The following TENM1 variants were observed in gnomAD, a reference collection of about 807,000 sequenced individuals.
TENM1 encodes the protein teneurin-1.
Under a neutral mutation model 174.8 loss-of-function variants are expected in TENM1, and 35 were observed. The observed-to-expected ratio is 0.20, with a 90% confidence interval of 0.15 to 0.27. The LOEUF is 0.27. TENM1 is among the 10% of genes least tolerant of loss of function. The probability of loss-of-function intolerance (pLI) is 1.00; values close to 1 mark genes in which losing one functional copy is unlikely to be tolerated. For missense variants in TENM1, 1,633 were observed against 2,130.1 expected, an observed-to-expected ratio of 0.77 and a Z score of 4.59; for synonymous variants, 781 against 798.7, an observed-to-expected ratio of 0.98 and a Z score of 0.37.
In TENM1 at chrX:124,932,877, C is replaced by T. The variant is rs759737742; in HGVS notation, c.217+30660G>A. 3.2e-4 allele frequency among the ~76,000 whole-genome samples: 36 copies of T among 111,159 alleles called. 1 individual carries two copies. The South Asian group carries it at 6.9e-3, about 21-fold the overall frequency. On this transcript the variant is annotated intron_variant, in intron 1 of 31. Coordinates refer to ENST00000422452, the Ensembl canonical transcript of TENM1. ...TTTCTAACCTTGCACATAATTCAAACGGAAAAATAAATTTTTAAATTTTTA... is the reference window on the plus strand; with the variant it reads ...TTTCTAACCTTGCACATAATTCAAATGGAAAAATAAATTTTTAAATTTTTA...
chrX:124,793,920 C>T (rs1277280998), intron 3 of TENM1, among the ~76,000 whole-genome samples: 2 of 110,849 alleles, frequency 1.8e-5, no homozygotes, highest in African/African-American at 6.6e-5. Context: ...CTTTCCCTTT[C>T]TATCTTCCTC....
At chrX:124,589,228 C>T (rs890407732) in intron 11 of TENM1, among the ~76,000 whole-genome samples, 4 of 110,224 alleles carry the variant, frequency 3.6e-5, no homozygotes, top group Non-Finnish European at 3.8e-5. Context: ...ATCACTCTTA[C>T]GTCCCAGGGA....
chrX:124,834,773 G>A (rs2056359773), intron 3 of TENM1, among the ~76,000 whole-genome samples: 1 of 112,020 alleles, frequency 8.9e-6, no homozygotes, highest in Admixed American at 9.5e-5. Flanking sequence ...CTTCTCCCCC[G>A]TCATCTTGTT....
At chrX:124,889,793 T>C (rs2057446545) in intron 3 of TENM1, among the ~76,000 whole-genome samples, 1 of 111,782 alleles carries the variant, frequency 8.9e-6, no homozygotes, top group Non-Finnish European at 1.9e-5. Flanking sequence ...ATTTTAGTTA[T>C]ATTAAAATGT....
At chrX:124,428,587 C>A (rs2060743871) in intron 23 of TENM1, among the ~76,000 whole-genome samples, 1 of 111,940 alleles carries the variant, frequency 8.9e-6, no homozygotes, top group Non-Finnish European at 1.9e-5. Flanking sequence ...CTGGTTTCCT[C>A]ATCTGTAACA....
intron 8 of TENM1, among the ~76,000 whole-genome samples, chrX:124,647,063 A>G (rs2051178674): frequency 9.0e-6 from 1 of 111,603 alleles, no homozygotes; most frequent in African/African-American, 3.3e-5. Flanking sequence ...TTATCTCTAA[A>G]GCACATAAAT....
At chrX:124,573,843 T>C (rs1371620959) in intron 11 of TENM1, among the ~76,000 whole-genome samples, 2 of 112,367 alleles carry the variant, frequency 1.8e-5, no homozygotes, top group African/African-American at 6.5e-5. Context: ...AATCCCAATC[T>C]TCCTATAATC....
chrX:124,533,864 T>G (rs1421545927), intron 15 of TENM1, among the ~76,000 whole-genome samples: 1 of 111,135 alleles, frequency 9.0e-6, no homozygotes, highest in Non-Finnish European at 1.9e-5. Flanking sequence ...ATTGCATACT[T>G]TCTGTCTTTG....
chrX:124,744,540 C>G (rs1752629922), intron 3 of TENM1, among the ~76,000 whole-genome samples: 1 of 111,873 alleles, frequency 8.9e-6, no homozygotes, highest in Admixed American at 9.5e-5. Context: ...TAGATAATTG[C>G]CCTGTTTTAT....
At chrX:124,932,878 G>A (rs767666151) in intron 1 of TENM1, among the ~76,000 whole-genome samples, 23 of 110,918 alleles carry the variant, frequency 2.1e-4, no homozygotes, top group African/African-American at 7.2e-4. Context: ...TAATTCAAAC[G>A]GAAAAATAAA....
At chrX:124,724,602 C>T (rs2053401803) in intron 4 of TENM1, among the ~76,000 whole-genome samples, 1 of 111,169 alleles carries the variant, frequency 9.0e-6, no homozygotes, top group Non-Finnish European at 1.9e-5. Flanking sequence ...TCCAGACTAG[C>T]CTGAGAAACA....
At chrX:124,560,327 T>C (rs1385728725) in intron 14 of TENM1, among the ~76,000 whole-genome samples, 1 of 109,355 alleles carries the variant, frequency 9.1e-6, no homozygotes, top group African/African-American at 3.3e-5. Flanking sequence ...TGTGTCTAAT[T>C]ATTCAACCTA....
rs1181969488 is a variant in TENM1, at chrX:124,676,326, G to C, written c.1016-4491C>G. 2.7e-4 allele frequency among the ~76,000 whole-genome samples: 18 copies of C among 67,316 alleles called. No individual in the cohort carries two copies. The Admixed American group carries it at 3.7e-3, about 14-fold the overall frequency. The allele number at this position is 67,316 out of a possible 115,157, so 58.5% of individuals were successfully genotyped here. ...TATATATATATATACTCAATGAATG[G>C]AGATGGATGCTACCCAGATCTCTGA... On this transcript the variant is annotated intron_variant, in intron 5 of 31. Transcript: ENST00000422452.
intron 11 of TENM1, among the ~76,000 whole-genome samples, chrX:124,631,274 T>C (rs1365328868): frequency 9.0e-6 from 1 of 111,528 alleles, no homozygotes; most frequent in East Asian, 2.8e-4. Flanking sequence ...TAAGTAAATA[T>C]TTTAGAAACA....
chrX:125,132,976 CTTT>C, the TENM1 span, among the ~76,000 whole-genome samples: 2 of 110,597 alleles, frequency 1.8e-5, no homozygotes, highest in South Asian at 7.9e-4. Flanking sequence ...TCTTCTTCTT[CTTT>C]TTTTTCTTTC....
intron 3 of TENM1, among the ~76,000 whole-genome samples, chrX:124,852,059 TTCTGGG>T (rs2147401184): frequency 9.0e-6 from 1 of 111,327 alleles, no homozygotes; most frequent in East Asian, 2.8e-4. Context: ...GAAATTGACA[TTCTGGG>T]TAAAAGAAGC....
intron 23 of TENM1, among the ~76,000 whole-genome samples, chrX:124,452,935 C>T (rs1287538133): frequency 1.8e-5 from 2 of 109,151 alleles, no homozygotes; most frequent in Non-Finnish European, 3.8e-5. Context: ...GGGTGCAGCA[C>T]ACCAACATGG....
chrX:124,485,680 C>T (rs1366294410), intron 21 of TENM1, among the ~76,000 whole-genome samples: 1 of 111,411 alleles, frequency 9.0e-6, no homozygotes, highest in Admixed American at 9.6e-5. Flanking sequence ...ATTGAATACC[C>T]CCAGTGTGCC....
chrX:124,694,289 C>A (rs1187269840), intron 5 of TENM1, among the ~76,000 whole-genome samples: 1 of 111,613 alleles, frequency 9.0e-6, no homozygotes, highest in East Asian at 2.8e-4. Context: ...GTAATTTGAT[C>A]AAGTCTGCCA....
Sources: allele counts gnomAD v4.1 joint callset (sites outside exome capture counted in the v4.1 genomes callset), GRCh38; gene constraint gnomAD v4.1.1; transcripts MANE v1.5; gene names NCBI Gene and HGNC (gene_info 2026-07-23, HGNC 2026-07-21).